RGS8: variants seen among roughly 807,000 people sequenced by gnomAD.
RGS8 encodes the protein regulator of G protein signaling 8.
RGS8 carries 8 observed loss-of-function variants against 21.7 expected under a neutral mutation model. The ratio of observed to expected loss-of-function variants is 0.37; its 90% CI spans 0.22 to 0.66. The LOEUF (loss-of-function observed/expected upper bound fraction) is 0.66, where lower values mean the gene tolerates loss of function less well. Ranked by LOEUF, RGS8 falls within the 30% of genes least tolerant of loss-of-function variation. The probability of loss-of-function intolerance (pLI) is 0.59; values close to 1 mark genes in which losing one functional copy is unlikely to be tolerated. For synonymous variants in RGS8, 80 were observed against 83.6 expected (o/e 0.96, Z 0.24); for missense variants, 157 against 217.9 (o/e 0.72, Z 1.76).
chr1:182,659,290 CAACT>C (rs1482514329), intron 5 of RGS8, among the ~76,000 whole-genome samples: 1 of 152,134 alleles, frequency 6.6e-6, no homozygotes, highest in Non-Finnish European at 1.5e-5. Flanking sequence ...CCTGTATCTG[CAACT>C]ATTATAAGAA....
chr1:182,668,964 C>T (rs1227008357), intron 3 of RGS8, among the ~76,000 whole-genome samples: 1 of 152,214 alleles, frequency 6.6e-6, no homozygotes, highest in Non-Finnish European at 1.5e-5. Context: ...AATCATAAAA[C>T]ATTCAGGTCA....
intron 3 of RGS8, 115 bp from the exon 5 acceptor site, chr1:182,667,088 C>A: frequency 1.3e-6 from 1 of 798,206 alleles, no homozygotes; most frequent in East Asian, 2.5e-5. Flanking sequence ...CCACCCTTCC[C>A]CAGGTGGTCT....
the RGS8 span, among the ~76,000 whole-genome samples, chr1:182,741,695 G>C: frequency 2.7e-5 from 3 of 111,888 alleles, no homozygotes; most frequent in Admixed American, 8.2e-5. Context: ...TCCCAGTAGG[G>C]GCGGCCGGGC....
At chr1:182,700,109 C>T in the RGS8 span, among the ~76,000 whole-genome samples, 5 of 152,112 alleles carry the variant, frequency 3.3e-5, no homozygotes, top group Admixed American at 3.3e-4. Flanking sequence ...CCCCAGAGCC[C>T]GCCGAGGGGA....
the RGS8 span, among the ~76,000 whole-genome samples, chr1:182,721,680 A>G: frequency 6.6e-6 from 1 of 152,202 alleles, no homozygotes; most frequent in African/African-American, 2.4e-5. Context: ...ATCCTGGTGT[A>G]GGGATGGCTT....
the RGS8 span, among the ~76,000 whole-genome samples, chr1:182,747,597 C>T: frequency 6.6e-6 from 1 of 152,262 alleles, no homozygotes; most frequent in East Asian, 1.9e-4. Context: ...CAACTGTGGC[C>T]ACTACTTAAT....
the RGS8 span, among the ~76,000 whole-genome samples, chr1:182,719,025 C>T: frequency 6.6e-6 from 1 of 152,194 alleles, no homozygotes; most frequent in African/African-American, 2.4e-5. Context: ...GAAAAGCATG[C>T]TTACCCACCC....
chr1:182,716,331 G>GC, the RGS8 span, among the ~76,000 whole-genome samples: 1 of 152,000 alleles, frequency 6.6e-6, no homozygotes, highest in East Asian at 1.9e-4. Context: ...TCACTGTGTT[G>GC]CCCAGGCTGG....
chr1:182,672,760 T>G, upstream of RGS8: 1 of 1,601,194 alleles, frequency 6.2e-7, no homozygotes, highest in Non-Finnish European at 8.6e-7. Flanking sequence ...CTGCCCGATC[T>G]GCACATGATC....
At chr1:182,667,214 C>T (rs1048415467) in intron 3 of RGS8, among the ~76,000 whole-genome samples, 4 of 152,192 alleles carry the variant, frequency 2.6e-5, no homozygotes, top group African/African-American at 7.2e-5. Context: ...AGCAAGTTGA[C>T]GGTAAGTCAA....
chr1:182,672,924 C>CAGCA (rs549072805), upstream of RGS8: 1,324 of 1,377,934 alleles, frequency 9.6e-4, 16 homozygotes, highest in African/African-American at 0.017. Flanking sequence ...CCAGCAGTGT[C>CAGCA]AGCATCACCT....
chr1:182,653,212 G>A (rs904202683), intron 5 of RGS8, among the ~76,000 whole-genome samples: 2 of 152,160 alleles, frequency 1.3e-5, no homozygotes, highest in Non-Finnish European at 2.9e-5. Flanking sequence ...GGCAGGAAGA[G>A]TTTTCATGGT....
chr1:182,713,959 G>T, the RGS8 span, among the ~76,000 whole-genome samples: 1 of 152,262 alleles, frequency 6.6e-6, no homozygotes, highest in East Asian at 1.9e-4. Flanking sequence ...AGATAAAATT[G>T]TTTGCATTTT....
upstream of RGS8, among the ~76,000 whole-genome samples, chr1:182,688,821 G>T (rs774387164): frequency 2.0e-5 from 3 of 152,116 alleles, no homozygotes; most frequent in Non-Finnish European, 4.4e-5. Context: ...CAAGGACACA[G>T]GACATCAGTT....
chr1:182,738,707 T>C, the RGS8 span, among the ~76,000 whole-genome samples: 1 of 152,242 alleles, frequency 6.6e-6, no homozygotes, highest in East Asian at 1.9e-4. Flanking sequence ...CTACAGTCAG[T>C]GAAACATCTA....
intron 5 of RGS8, among the ~76,000 whole-genome samples, chr1:182,662,391 A>G (rs1663635004): frequency 6.6e-6 from 1 of 152,212 alleles, no homozygotes; most frequent in Non-Finnish European, 1.5e-5. Flanking sequence ...TCCTGGATCC[A>G]GCTTCTGACA....
intron 5 of RGS8, among the ~76,000 whole-genome samples, chr1:182,661,077 G>A (rs945796870): frequency 2.0e-5 from 3 of 151,440 alleles, no homozygotes; most frequent in Non-Finnish European, 4.4e-5. Flanking sequence ...TAATTTTAAT[G>A]TTTGTTTATT....
chr1:182,656,611 C>T (rs1470598377), intron 5 of RGS8, among the ~76,000 whole-genome samples: 1 of 152,194 alleles, frequency 6.6e-6, no homozygotes, highest in African/African-American at 2.4e-5. Context: ...TTCTCTCAGG[C>T]AGCCTCAGCC....
chr1:182,661,758 T>A (rs1270835906), intron 5 of RGS8, among the ~76,000 whole-genome samples: 2 of 152,008 alleles, frequency 1.3e-5, no homozygotes, highest in African/African-American at 4.8e-5. Context: ...GAAACTTTGC[T>A]CTCTTGGGTA....
Sources: gnomAD v4.1 joint callset for allele counts (sites outside exome capture counted in the v4.1 genomes callset) on GRCh38, gnomAD v4.1.1 for gene constraint, MANE v1.5 for transcripts, NCBI Gene and HGNC (gene_info 2026-07-23, HGNC 2026-07-21) for gene names.